Variants in FAF2 observed in about 807,000 individuals in gnomAD.
FAF2 encodes Fas associated factor family member 2.
Under a neutral mutation model 62.3 loss-of-function variants are expected in FAF2, and 9 were observed. That is an observed-to-expected ratio of 0.14 (90% CI 0.09 to 0.25). FAF2 has a LOEUF of 0.25. Ranked by LOEUF, FAF2 falls within the 10% of genes least tolerant of loss-of-function variation. FAF2 has a pLI of 1.00. For missense variants in FAF2, 368 were observed against 556.2 expected (o/e 0.66, Z 3.40); for synonymous variants, 202 against 198.0 (o/e 1.02, Z -0.17).
Position 176,508,786 on chromosome 5 carries a change from A to G in FAF2, c.*1836A>G, listed in dbSNP as rs1461137817. 6.6e-6 allele frequency: 1 copy of G among 152,228 alleles called. No individual in the cohort carries two copies. Among genetic ancestry groups the G allele is most frequent in the Non-Finnish European group, 1.5e-5 (1 of 68,040 alleles). The allele number at this position is 152,228 out of a possible 1,614,324, so 9.4% of individuals were successfully genotyped here. A position where few individuals can be genotyped will look rare whatever the true frequency, so the allele number is the denominator to read the frequency against. On this transcript the variant is annotated 3_prime_UTR_variant, in exon 11 of 11. Transcript: ENST00000261942. ...GATAACCCATGTTCTCCACATAAGGATAACCTTACGTGAAACCTTCCTGCT... is the reference window on the plus strand; with the variant it reads ...GATAACCCATGTTCTCCACATAAGGGTAACCTTACGTGAAACCTTCCTGCT...
intron 1 of FAF2, chr5:176,453,638 A>G (rs1182503728): frequency 1.3e-5 from 2 of 152,156 alleles, no homozygotes; most frequent in Non-Finnish European, 2.9e-5. Context: ...AGAATTTGGC[A>G]CTGTTGAGAA....
At position 176,460,727 on chromosome 5, in the gene FAF2, G is replaced by A. The variant is rs1330545809; in HGVS notation, c.63+12257G>A. ...AGCACTTTGGGAGGCTGAGGCAGTG[G>A]ATCACTTGAGCTTAGGAGTTTGAGA... On this transcript the variant is annotated intron_variant, in intron 1 of 10. Coordinates refer to ENST00000261942, the MANE Select transcript of FAF2 (RefSeq NM_014613.3). Among the ~76,000 whole-genome samples the A allele has an allele frequency of 6.6e-5, 10 of 152,186 alleles. No individual in the cohort carries two copies. The East Asian group carries it at 1.9e-3, about 29-fold the overall frequency.
intron 1 of FAF2, among the ~76,000 whole-genome samples, chr5:176,474,526 C>T (rs1033310638): frequency 5.3e-5 from 8 of 152,144 alleles, no homozygotes; most frequent in East Asian, 1.9e-4. Context: ...GTGTTCCATC[C>T]GGAGAGCCTC....
chr5:176,497,410 A>G lies in FAF2; in HGVS notation c.839+747A>G, dbSNP rs186745483. Among the ~76,000 whole-genome samples the G allele has an allele frequency of 2.4e-4, 37 of 152,370 alleles. No individual in the cohort carries two copies. In the East Asian group the frequency reaches 6.5e-3, roughly 27 times the overall value. On this transcript the variant is annotated intron_variant, in intron 8 of 10. Transcript: ENST00000261942. ...TTGTTATAAATTTTTTTAATTTTAT[A>G]CACAACACACACCCCTATATACGTA... is the stretch of plus-strand genomic sequence containing the variant.
chr5:176,501,804 A>G (rs559744288), intron 10 of FAF2, among the ~76,000 whole-genome samples: 1 of 152,148 alleles, frequency 6.6e-6, no homozygotes, highest in African/African-American at 2.4e-5. Flanking sequence ...CCCTAGCTGG[A>G]TTGCAGTGGC....
chr5:176,468,540 C>T (rs1480903300), intron 1 of FAF2, among the ~76,000 whole-genome samples: 3 of 152,014 alleles, frequency 2.0e-5, no homozygotes, highest in Non-Finnish European at 2.9e-5. Flanking sequence ...GCCGAGATCA[C>T]GCCACTGCAT....
intron 1 of FAF2, among the ~76,000 whole-genome samples, chr5:176,468,043 C>A (rs1310746203): frequency 6.6e-6 from 1 of 152,082 alleles, no homozygotes; most frequent in Non-Finnish European, 1.5e-5. Context: ...TGGGCACTTA[C>A]AATCCCAGCT....
In FAF2 at chr5:176,461,047, C is replaced by CT. The variant is rs772331586; in HGVS notation, c.63+12578dup. On this transcript the variant is annotated intron_variant, in intron 1 of 10. Transcript: ENST00000261942. ...TTTTTTTTTCAGACAATGTTTTACT[C>CT]TGTCGCCTAGGCTGGAGTGCAGTAG... Among the ~76,000 whole-genome samples the CT allele has an allele frequency of 2.0e-5, 3 of 149,064 alleles. No individual in the cohort carries two copies. The East Asian group carries it at 6.0e-4, about 30-fold the overall frequency.
Position 176,494,150 on chromosome 5 carries a change from G to A in FAF2, c.570-34G>A. ...TCTGGTGACAGTTTATAGTCAGCAA[G>A]TTGTTCTCATATCCTTTTCATACCT... On this transcript the variant is annotated intron_variant, in intron 6 of 10. Coordinates refer to ENST00000261942, the MANE Select transcript of FAF2 (RefSeq NM_014613.3). The surrounding 1 kb of genome is among the most constrained non-coding windows in gnomAD (Gnocchi z 4.0). The A allele has an allele frequency of 7.7e-7, 1 of 1,307,078 alleles. No individual in the cohort carries two copies. Among genetic ancestry groups the A allele is most frequent in the Non-Finnish European group, 1.0e-6 (1 of 984,050 alleles). 81.0% of individuals were successfully genotyped at this position (1,307,078 alleles called of 1,614,324 possible).
In FAF2 at chr5:176,481,537, G is replaced by T. The variant is rs952084280; in HGVS notation, c.132+2281G>T. ...CCAGGTGTGGTGGTGGGCGCCTGTA[G>T]TCCCAGCTACTCGGGAGGCTGAGGC... On this transcript the variant is annotated intron_variant, in intron 2 of 10. Coordinates refer to ENST00000261942, the MANE Select transcript of FAF2 (RefSeq NM_014613.3). Among the ~76,000 whole-genome samples, 8 of 152,100 alleles carry T rather than the reference G, an allele frequency of 5.3e-5. 1 individual carries two copies. The South Asian group carries it at 1.7e-3, about 32-fold the overall frequency.
At chr5:176,451,325 C>T (rs928661776) in intron 1 of FAF2, among the ~76,000 whole-genome samples, 1 of 152,074 alleles carries the variant, frequency 6.6e-6, no homozygotes, top group Non-Finnish European at 1.5e-5. Flanking sequence ...GAGCCAAGAT[C>T]GTGCCACTGC....
intron 5 of FAF2, among the ~76,000 whole-genome samples, 185 bp from the exon 6 acceptor site, chr5:176,493,814 A>G (rs980902997): frequency 6.6e-6 from 1 of 152,202 alleles, no homozygotes; most frequent in African/African-American, 2.4e-5. Flanking sequence ...TGGAGTTTCT[A>G]TAGGGAGAAC....
intron 3 of FAF2, among the ~76,000 whole-genome samples, chr5:176,486,809 G>T (rs955425014): frequency 2.0e-5 from 3 of 152,126 alleles, no homozygotes; most frequent in African/African-American, 7.2e-5. Context: ...TGGAATCTTT[G>T]TAGGAGCTTT....
At chr5:176,475,342 A>G (rs1434002751) in intron 1 of FAF2, among the ~76,000 whole-genome samples, 1 of 152,074 alleles carries the variant, frequency 6.6e-6, no homozygotes, top group African/African-American at 2.4e-5. Flanking sequence ...TATATTGGCC[A>G]GGCTGGTCTT....
chr5:176,458,408 C>CTTTTTTTTTT lies in FAF2; in HGVS notation c.63+9948_63+9957dup, dbSNP rs751775026. ...CAGAATAATATTTTTCTTTTTCTTC[C>CTTTTTTTTTT]TTTTTTTTTTTTTTTTTTTGAGACG... is the stretch of plus-strand genomic sequence containing the variant. On this transcript the variant is annotated intron_variant, in intron 1 of 10. Transcript: ENST00000261942. Among the ~76,000 whole-genome samples the CTTTTTTTTTT allele has an allele frequency of 3.7e-3, 316 of 86,350 alleles. 7 individuals are homozygous for CTTTTTTTTTT. The highest frequency in any genetic ancestry group is 0.014 in the Middle Eastern group (1 of 74). The allele number at this position is 86,350 out of a possible 152,430, so 56.6% of individuals were successfully genotyped here. A position where few individuals can be genotyped will look rare whatever the true frequency, so the allele number is the denominator to read the frequency against.
At chr5:176,472,574 G>A (rs1270763205) in intron 1 of FAF2, among the ~76,000 whole-genome samples, 1 of 151,978 alleles carries the variant, frequency 6.6e-6, no homozygotes, top group Admixed American at 6.6e-5. Context: ...ATGAGCCACT[G>A]CACCCGGCTT....
chr5:176,450,597 A>G (rs1236813646), intron 1 of FAF2, among the ~76,000 whole-genome samples: 1 of 149,638 alleles, frequency 6.7e-6, no homozygotes, highest in Non-Finnish European at 1.5e-5. Context: ...CTTGTTGCCC[A>G]GGCTGGAGTG....
At chr5:176,470,254 G>A (rs372367016) in intron 1 of FAF2, among the ~76,000 whole-genome samples, 1 of 152,338 alleles carries the variant, frequency 6.6e-6, no homozygotes, top group East Asian at 1.9e-4. Flanking sequence ...AGCCTCTCAC[G>A]CTACCCCATT....
intron 10 of FAF2, among the ~76,000 whole-genome samples, chr5:176,504,913 C>G (rs891655995): frequency 3.3e-5 from 5 of 151,746 alleles, no homozygotes; most frequent in African/African-American, 1.2e-4. Context: ...ATCCCACTTA[C>G]TTGGGAGGCT....
Sources: allele counts gnomAD v4.1 joint callset (sites outside exome capture counted in the v4.1 genomes callset), GRCh38; gene constraint gnomAD v4.1.1; non-coding constraint Gnocchi (gnomAD v3.1); transcripts MANE v1.5; gene names NCBI Gene and HGNC (gene_info 2026-07-23, HGNC 2026-07-21).